Variants in C4orf51 observed in about 807,000 individuals in gnomAD.
C4orf51 encodes chromosome 4 open reading frame 51, also known as uncharacterized protein C4orf51.
C4orf51 carries 25 observed loss-of-function variants against 25.2 expected under a neutral mutation model. The observed-to-expected ratio is 0.99, with a 90% CI of 0.72 to 1.39. The LOEUF is 1.39. Ranked by LOEUF, C4orf51 falls within the 40% of genes most tolerant of loss-of-function variation. The pLI, the probability that C4orf51 is intolerant of heterozygous loss-of-function variation, is 0.00. For missense variants in C4orf51, 252 were observed against 239.6 expected (o/e 1.05, Z -0.34); for synonymous variants, 100 against 84.5 (o/e 1.18, Z -1.01).
chr4:145,683,446 C>T (rs11732464), intron 1 of C4orf51, among the ~76,000 whole-genome samples: 23,466 of 152,122 alleles, frequency 0.15, 2,008 homozygotes, highest in Middle Eastern at 0.21. Flanking sequence ...GAATAACCAA[C>T]ACGATATTGA....
At chr4:145,757,544 A>G (rs1734039947), downstream of C4orf51, 1 of 152,206 alleles carries the variant, frequency 6.6e-6, no homozygotes, top group Non-Finnish European at 1.5e-5. Flanking sequence ...ACAGAGAAGT[A>G]AAAAACAGAA....
At chr4:145,732,908 A>C (rs1274779679), downstream of C4orf51, 1 of 171,880 alleles carries the variant, frequency 5.8e-6, no homozygotes, top group Non-Finnish European at 1.2e-5. Context: ...GCCCCGGGGA[A>C]GGCGCAGGGG....
intron 2 of C4orf51, among the ~76,000 whole-genome samples, chr4:145,707,167 C>A (rs1389363170): frequency 6.6e-6 from 1 of 152,042 alleles, no homozygotes; most frequent in Non-Finnish European, 1.5e-5. Context: ...TCTCGATCCC[C>A]TGACCTCGTG....
chr4:145,755,988 C>T (rs576254603), downstream of C4orf51, among the ~76,000 whole-genome samples: 62 of 152,328 alleles, frequency 4.1e-4, no homozygotes, highest in African/African-American at 1.5e-3. Flanking sequence ...TCAGCTGCTA[C>T]CCGCTTCCAT....
the C4orf51 span, chr4:145,779,296 G>GAGA: frequency 6.5e-7 from 1 of 1,527,994 alleles, no homozygotes; most frequent in East Asian, 2.3e-5. Context: ...GCCTCTCTTA[G>GAGA]AGAAACTCAG....
intron 2 of C4orf51, among the ~76,000 whole-genome samples, chr4:145,723,534 G>T (rs1226689288): frequency 1.3e-5 from 2 of 151,952 alleles, no homozygotes; most frequent in African/African-American, 4.8e-5. Context: ...CTCTGATTCT[G>T]CAAGCCTACA....
intron 1 of C4orf51, among the ~76,000 whole-genome samples, chr4:145,686,206 C>T (rs1042434227): frequency 6.6e-6 from 1 of 152,056 alleles, no homozygotes; most frequent in Non-Finnish European, 1.5e-5. Flanking sequence ...CTAGGCAAAT[C>T]ATACAGACAA....
chr4:145,712,855 G>A (rs1731208827), intron 2 of C4orf51, among the ~76,000 whole-genome samples: 4 of 152,334 alleles, frequency 2.6e-5, no homozygotes, highest in African/African-American at 7.2e-5. Context: ...CAAAGGATAG[G>A]CTGACTCTCT....
chr4:145,781,218 G>GAA, the C4orf51 span, among the ~76,000 whole-genome samples: 3 of 70,848 alleles, frequency 4.2e-5, no homozygotes, highest in Non-Finnish European at 8.1e-5. Context: ...AAAAAAAAAA[G>GAA]AAAAAAAAAG....
intron 2 of C4orf51, among the ~76,000 whole-genome samples, chr4:145,704,693 A>C (rs1326939227): frequency 6.6e-6 from 1 of 152,112 alleles, no homozygotes; most frequent in Non-Finnish European, 1.5e-5. Flanking sequence ...TCTGTCTTTG[A>C]TTTTTGAAAG....
chr4:145,787,126 C>T, the C4orf51 span, among the ~76,000 whole-genome samples: 4 of 152,166 alleles, frequency 2.6e-5, no homozygotes, highest in African/African-American at 9.7e-5. Context: ...TTTCTGCTGG[C>T]CAAGGTGTTA....
rs1734902288 is a variant in C4orf51, at chr4:145,764,000, T to G, written n.167-6988T>G. Among the ~76,000 whole-genome samples, 1 of 152,092 alleles carries G rather than the reference T, an allele frequency of 6.6e-6. No individual in the cohort carries two copies. The highest frequency in any genetic ancestry group is 1.5e-5 in the Non-Finnish European group (1 of 68,010). ...TGACCCCAACACTCCACTCCCAGGG[T>G]CTTTTCCATCTCTCCCTTCCTCACC... On this transcript the variant is annotated intron_variant and non_coding_transcript_variant, in intron 1 of 1. Coordinates refer to the C4orf51 transcript ENST00000510096. The surrounding 1 kb of genome is among the most constrained non-coding windows in gnomAD (Gnocchi z 4.6).
intron 2 of C4orf51, among the ~76,000 whole-genome samples, chr4:145,715,334 A>G (rs113100854): frequency 7.9e-4 from 121 of 152,220 alleles, no homozygotes; most frequent in African/African-American, 2.7e-3. Context: ...CTCAGCTCTG[A>G]TAATCACCTC....
intron 2 of C4orf51, among the ~76,000 whole-genome samples, chr4:145,714,642 G>A (rs567759519): frequency 1.5e-4 from 23 of 152,186 alleles, no homozygotes; most frequent in Non-Finnish European, 3.1e-4. Context: ...CAGGAAATTT[G>A]TAGAGCTCCA....
chr4:145,731,967 A>G (rs1732507959), intron 5 of C4orf51, among the ~76,000 whole-genome samples: 2 of 152,238 alleles, frequency 1.3e-5, no homozygotes, highest in African/African-American at 2.4e-5. Context: ...AATTTCCTGC[A>G]TCAAAGCAAT....
At chr4:145,747,919 C>T (rs1733458532) in intron 1 of C4orf51, among the ~76,000 whole-genome samples, 1 of 151,982 alleles carries the variant, frequency 6.6e-6, no homozygotes, top group East Asian at 1.9e-4. Flanking sequence ...CCCCTTCTCT[C>T]TGTTTCAGAA....
chr4:145,743,553 C>T (rs1006647960), intron 1 of C4orf51, among the ~76,000 whole-genome samples: 8 of 152,368 alleles, frequency 5.3e-5, no homozygotes, highest in East Asian at 1.9e-4. Flanking sequence ...AACACAGCTA[C>T]ATTAGGGATT....
intron 1 of C4orf51, among the ~76,000 whole-genome samples, chr4:145,753,045 T>C (rs1292979850): frequency 6.6e-6 from 1 of 152,192 alleles, no homozygotes; most frequent in African/African-American, 2.4e-5. Context: ...AATTTAAGAC[T>C]GTCTTTTCTA....
At chr4:145,772,619 A>T (rs1736456812), downstream of C4orf51, among the ~76,000 whole-genome samples, 1 of 152,262 alleles carries the variant, frequency 6.6e-6, no homozygotes, top group Admixed American at 6.5e-5. Flanking sequence ...TAGTAGTGAC[A>T]GAAACTGTAT....
Sources: allele counts gnomAD v4.1 joint callset (sites outside exome capture counted in the v4.1 genomes callset), GRCh38; gene constraint gnomAD v4.1.1; non-coding constraint Gnocchi (gnomAD v3.1); transcripts MANE v1.5; gene names NCBI Gene and HGNC (gene_info 2026-07-23, HGNC 2026-07-21).